The following CFAP299 variants were observed in gnomAD, a reference collection of about 807,000 sequenced individuals.
The protein encoded by CFAP299 is cilia and flagella associated protein 299.
Under a neutral mutation model 27.0 loss-of-function variants are expected in CFAP299, and 21 were observed. The observed-to-expected ratio is 0.78, with a 90% CI of 0.55 to 1.12. CFAP299 has a LOEUF of 1.12. CFAP299 is among the 50% of genes most tolerant of loss of function. The probability of loss-of-function intolerance (pLI) is 0.00; values close to 1 mark genes in which losing one functional copy is unlikely to be tolerated. For missense variants in CFAP299, 310 were observed against 276.6 expected, an observed-to-expected ratio of 1.12 and a Z score of -0.86; for synonymous variants, 104 against 98.1, an observed-to-expected ratio of 1.06 and a Z score of -0.36.
chr4:80,704,388 G>C (rs758958600), intron 3 of CFAP299, among the ~76,000 whole-genome samples: 3 of 151,592 alleles, frequency 2.0e-5, no homozygotes, highest in African/African-American at 4.8e-5. Context: ...GAGTAGAAAA[G>C]GCCTGGAAGA....
intron 3 of CFAP299, among the ~76,000 whole-genome samples, chr4:80,587,393 G>A (rs1296833551): frequency 6.6e-6 from 1 of 152,044 alleles, no homozygotes; most frequent in African/African-American, 2.4e-5. Context: ...AAAGAGCGAA[G>A]GTTATGGAGT....
intron 3 of CFAP299, among the ~76,000 whole-genome samples, chr4:80,617,662 A>T (rs554827305): frequency 6.6e-6 from 1 of 152,312 alleles, no homozygotes; most frequent in East Asian, 1.9e-4. Context: ...CTTAATGTTA[A>T]AAGGCATTCC....
At chr4:80,388,468 C>A (rs944712945) in intron 2 of CFAP299, 1 of 1,075,172 alleles carries the variant, frequency 9.3e-7, no homozygotes, top group African/African-American at 1.6e-5. Context: ...AGACTGTGTC[C>A]AGGTCGGGGG....
At chr4:80,770,515 G>T (rs970973414) in intron 3 of CFAP299, among the ~76,000 whole-genome samples, 1 of 152,070 alleles carries the variant, frequency 6.6e-6, no homozygotes, top group African/African-American at 2.4e-5. Context: ...CTATTTTTAA[G>T]TACAAACAAG....
intron 2 of CFAP299, among the ~76,000 whole-genome samples, chr4:80,548,766 A>G (rs189850832): frequency 2.0e-5 from 3 of 152,236 alleles, no homozygotes; most frequent in Admixed American, 6.5e-5. Context: ...GCTATCTTCT[A>G]TAATAAAATT....
chr4:80,391,907 C>G (rs77950802), intron 2 of CFAP299, among the ~76,000 whole-genome samples: 2,794 of 152,266 alleles, frequency 0.018, 54 homozygotes, highest in African/African-American at 0.043. Flanking sequence ...AAAGCCACAG[C>G]GGTGGAGCTG....
rs533110029 is a variant in CFAP299, at chr4:80,899,752, A to G, written c.476+29617A>G. 2.0e-5 allele frequency among the ~76,000 whole-genome samples: 3 copies of G among 152,280 alleles called. No individual in the cohort carries two copies. The East Asian group carries it at 5.8e-4, about 29-fold the overall frequency. On this transcript the variant is annotated intron_variant, in intron 4 of 5. Transcript: ENST00000358105. ...CTGGCATCAGTCAGCTTGGGTTCAA[A>G]TCCTGGCTCTGCTTCAGCTACATTG...
chr4:80,391,551 C>T (rs1445845641), intron 2 of CFAP299, among the ~76,000 whole-genome samples: 1 of 151,970 alleles, frequency 6.6e-6, no homozygotes, highest in Non-Finnish European at 1.5e-5. Flanking sequence ...CAAGGTGGTC[C>T]CATATGATTA....
intron 4 of CFAP299, among the ~76,000 whole-genome samples, chr4:80,886,022 C>T (rs1733952472): frequency 6.6e-6 from 1 of 152,228 alleles, no homozygotes; most frequent in African/African-American, 2.4e-5. Flanking sequence ...CACAAGCTGA[C>T]AAAAGAGCCC....
chr4:80,911,042 C>G (rs894051455), intron 4 of CFAP299, among the ~76,000 whole-genome samples: 2 of 152,026 alleles, frequency 1.3e-5, no homozygotes, highest in Non-Finnish European at 2.9e-5. Flanking sequence ...TCATCACAAA[C>G]TTACCATTTT....
Position 80,432,751 on chromosome 4 carries a change from C to T in CFAP299, c.242+69867C>T, listed in dbSNP as rs549561483. Among the ~76,000 whole-genome samples, 90 of 150,078 alleles carry T rather than the reference C, an allele frequency of 6.0e-4. 4 individuals are homozygous for T. In the South Asian group the frequency reaches 0.015, roughly 25 times the overall value. On this transcript the variant is annotated intron_variant, in intron 2 of 5. Transcript: ENST00000358105. Reference sequence around the variant, plus strand: ...GTTTCTGTGTTAGCCAGGATGGTCTCGATCTTCTAATCCACCCACCTCGGC... The same window carrying T: ...GTTTCTGTGTTAGCCAGGATGGTCTTGATCTTCTAATCCACCCACCTCGGC...
At chr4:80,449,567 A>G (rs1728799610) in intron 2 of CFAP299, among the ~76,000 whole-genome samples, 2 of 151,860 alleles carry the variant, frequency 1.3e-5, no homozygotes, top group African/African-American at 4.8e-5. Flanking sequence ...AGGGAATTAT[A>G]TGCTTAATAC....
intron 5 of CFAP299, among the ~76,000 whole-genome samples, chr4:80,953,162 T>G (rs1737870581): frequency 1.3e-5 from 2 of 152,200 alleles, no homozygotes; most frequent in African/African-American, 4.8e-5. Flanking sequence ...TTCTGCAAAC[T>G]GCACTACAAG....
chr4:80,666,427 C>G (rs1457371162), intron 3 of CFAP299, among the ~76,000 whole-genome samples: 1 of 152,148 alleles, frequency 6.6e-6, no homozygotes, highest in Non-Finnish European at 1.5e-5. Flanking sequence ...GAGATCGCCA[C>G]TGGGTTCAAA....
At chr4:80,651,962 A>T (rs1356533042) in intron 3 of CFAP299, among the ~76,000 whole-genome samples, 1 of 152,086 alleles carries the variant, frequency 6.6e-6, no homozygotes, top group African/African-American at 2.4e-5. Flanking sequence ...AAATGAGGAT[A>T]TTACTTTTAC....
chr4:80,646,982 AGAGAGAGT>A (rs1224632360), intron 3 of CFAP299, among the ~76,000 whole-genome samples: 5 of 65,856 alleles, frequency 7.6e-5, no homozygotes, highest in African/African-American at 1.8e-4. Context: ...AGAGAGAGAG[AGAGAGAGT>A]GTGTGTGTGT....
intron 3 of CFAP299, among the ~76,000 whole-genome samples, chr4:80,625,404 AAT>A (rs1738833552): frequency 6.6e-6 from 1 of 152,044 alleles, no homozygotes; most frequent in Admixed American, 6.6e-5. Flanking sequence ...AAAAGCAAGC[AAT>A]CAAAACAACA....
chr4:80,586,805 G>A (rs1407842862), intron 3 of CFAP299, among the ~76,000 whole-genome samples: 1 of 152,076 alleles, frequency 6.6e-6, no homozygotes, highest in Non-Finnish European at 1.5e-5. Context: ...ATGCTGTTCG[G>A]GGTGGGAAAA....
chr4:80,753,962 T>G (rs1413896185), intron 3 of CFAP299, among the ~76,000 whole-genome samples: 1 of 152,202 alleles, frequency 6.6e-6, no homozygotes. Flanking sequence ...AAATCCACTG[T>G]TAGATAGTTC....
Sources: allele counts gnomAD v4.1 joint callset (sites outside exome capture counted in the v4.1 genomes callset), GRCh38; gene constraint gnomAD v4.1.1; transcripts MANE v1.5; gene names NCBI Gene and HGNC (gene_info 2026-07-23, HGNC 2026-07-21).